The following EYA2 variants were observed in gnomAD, a reference collection of about 807,000 sequenced individuals.
The protein encoded by EYA2 is protein phosphatase EYA2.
A neutral mutation model predicts 69.2 loss-of-function variants in EYA2; 31 were observed. The ratio of observed to expected loss-of-function variants is 0.45; its 90% confidence interval spans 0.34 to 0.60. The LOEUF (loss-of-function observed/expected upper bound fraction) is 0.60. Ranked by LOEUF, EYA2 falls within the 20% of genes least tolerant of loss-of-function variation. The pLI, the probability that EYA2 is intolerant of heterozygous loss-of-function variation, is 0.02. For synonymous variants in EYA2, 257 were observed against 279.4 expected, an observed-to-expected ratio of 0.92 and a Z score of 0.80; for missense variants, 622 against 701.2, an observed-to-expected ratio of 0.89 and a Z score of 1.28.
chr20:47,048,878 T>A (rs987113260), intron 5 of EYA2, among the ~76,000 whole-genome samples: 1 of 151,980 alleles, frequency 6.6e-6, no homozygotes, highest in Non-Finnish European at 1.5e-5. Context: ...GTAACAGAGG[T>A]GAGAGTAAGA....
intron 9 of EYA2, among the ~76,000 whole-genome samples, chr20:47,102,045 C>G (rs1432723003): frequency 1.3e-5 from 2 of 152,126 alleles, no homozygotes; most frequent in East Asian, 1.9e-4. Context: ...ATTGAAAAAC[C>G]CAGGGATACC....
At position 47,082,147 on chromosome 20, in the gene EYA2, C is replaced by A. The variant is rs2031745487; in HGVS notation, c.662-7092C>A. On this transcript the variant is annotated intron_variant, in intron 7 of 15. Coordinates refer to ENST00000327619, the MANE Select transcript of EYA2 (RefSeq NM_005244.5). ...GAGCCACTGTGCCCAGCCAACCCTG[C>A]CAATTATTAAGTAACATGCAAATAT... is the stretch of plus-strand genomic sequence containing the variant. Among the ~76,000 whole-genome samples the A allele has an allele frequency of 2.0e-5, 3 of 151,840 alleles. No individual in the cohort carries two copies. In the South Asian group the frequency reaches 6.3e-4, roughly 32 times the overall value.
At chr20:47,123,643 T>C (rs1313796384) in intron 9 of EYA2, among the ~76,000 whole-genome samples, 3 of 152,208 alleles carry the variant, frequency 2.0e-5, no homozygotes, top group Admixed American at 6.5e-5. Context: ...TGTTATAGAT[T>C]AGAATTTCAT....
At chr20:46,923,399 G>T (rs901417288) in intron 1 of EYA2, among the ~76,000 whole-genome samples, 5 of 152,308 alleles carry the variant, frequency 3.3e-5, no homozygotes, top group East Asian at 3.9e-4. Flanking sequence ...TAGACCAAAG[G>T]AATCTGAAGG....
At chr20:47,104,113 C>G (rs2032507834) in intron 9 of EYA2, among the ~76,000 whole-genome samples, 1 of 152,086 alleles carries the variant, frequency 6.6e-6, no homozygotes, top group South Asian at 2.1e-4. Context: ...TTATTGTCTG[C>G]CTTTTTGGCT....
intron 15 of EYA2, among the ~76,000 whole-genome samples, chr20:47,184,228 G>C (rs2034591816): frequency 6.6e-6 from 1 of 152,158 alleles, no homozygotes; most frequent in African/African-American, 2.4e-5. Flanking sequence ...TTCTGAGAGA[G>C]AAGGGGAGAA....
chr20:46,907,966 A>G (rs1984445976), intron 1 of EYA2, among the ~76,000 whole-genome samples: 1 of 152,124 alleles, frequency 6.6e-6, no homozygotes, highest in African/African-American at 2.4e-5. Context: ...TACATTGGGG[A>G]AAATGTGTTT....
intron 4 of EYA2, among the ~76,000 whole-genome samples, chr20:47,012,037 A>G (rs1300665667): frequency 6.6e-6 from 1 of 152,158 alleles, no homozygotes; most frequent in Admixed American, 6.5e-5. Flanking sequence ...TCCTCCCACT[A>G]GCATATAAGC....
chr20:47,009,735 G>A (rs1982944661), intron 4 of EYA2, among the ~76,000 whole-genome samples: 1 of 152,212 alleles, frequency 6.6e-6, no homozygotes, highest in South Asian at 2.1e-4. Context: ...CATGAAAGCA[G>A]CCATAGACAA....
intron 14 of EYA2, among the ~76,000 whole-genome samples, chr20:47,183,056 C>G (rs2034568384): frequency 6.6e-6 from 1 of 152,204 alleles, no homozygotes; most frequent in Admixed American, 6.5e-5. Flanking sequence ...TGCGCTGCCT[C>G]CTCCTGCTGT....
intron 1 of EYA2, among the ~76,000 whole-genome samples, chr20:46,950,530 C>T (rs775839984): frequency 6.6e-6 from 1 of 152,130 alleles, no homozygotes; most frequent in African/African-American, 2.4e-5. Flanking sequence ...GGTGCTCCTC[C>T]ACCAAGGGGC....
intron 3 of EYA2, among the ~76,000 whole-genome samples, chr20:47,003,682 ATGTGGCCCC>A (rs1330992416): frequency 2.0e-5 from 3 of 152,230 alleles, no homozygotes; most frequent in African/African-American, 7.2e-5. Flanking sequence ...TGTGGATTGG[ATGTGGCCCC>A]TGGGCCACCA....
intron 9 of EYA2, among the ~76,000 whole-genome samples, chr20:47,138,360 G>A (rs1600736081): frequency 6.6e-6 from 1 of 152,180 alleles, no homozygotes; most frequent in Admixed American, 6.5e-5. Flanking sequence ...GAGTAGGTGG[G>A]TATTCTAAAG....
intron 7 of EYA2, among the ~76,000 whole-genome samples, chr20:47,078,301 GTGTGCACA>G (rs2031586511): frequency 1.3e-5 from 2 of 150,216 alleles, no homozygotes; most frequent in South Asian, 2.1e-4. Flanking sequence ...AAGCATATGT[GTGTGCACA>G]TGTGCACGTG....
intron 4 of EYA2, among the ~76,000 whole-genome samples, chr20:47,009,605 C>T (rs545251708): frequency 7.2e-5 from 11 of 152,132 alleles, no homozygotes; most frequent in Non-Finnish European, 1.6e-4. Context: ...TATCATTCCC[C>T]TGCATTTTTT....
chr20:47,063,373 TTGTG>T (rs1318266818), intron 5 of EYA2, among the ~76,000 whole-genome samples: 6 of 137,110 alleles, frequency 4.4e-5, no homozygotes, highest in African/African-American at 5.8e-5. Context: ...TTGGGTTTAT[TTGTG>T]TGTGTGTGCG....
chr20:47,072,135 G>GA (rs747982943), intron 5 of EYA2, 50 bp from the exon 6 acceptor site: 1 of 1,555,528 alleles, frequency 6.4e-7, no homozygotes, highest in South Asian at 1.1e-5. Context: ...GCTTTAAAGA[G>GA]AAAAAAAGAC....
At chr20:47,001,531 G>A in intron 3 of EYA2, 58 bp downstream of exon 3, 1 of 1,569,934 alleles carries the variant, frequency 6.4e-7, no homozygotes, top group Non-Finnish European at 8.8e-7. Flanking sequence ...TTTCTTGGAA[G>A]GTAGAGGTTA....
intron 1 of EYA2, among the ~76,000 whole-genome samples, chr20:46,910,853 G>A (rs1352251020): frequency 6.6e-6 from 1 of 152,178 alleles, no homozygotes; most frequent in East Asian, 1.9e-4. Flanking sequence ...TAGATTGCTG[G>A]CTCCCATCAA....
Sources: gnomAD v4.1 joint callset for allele counts (sites outside exome capture counted in the v4.1 genomes callset) on GRCh38, gnomAD v4.1.1 for gene constraint, MANE v1.5 for transcripts, NCBI Gene and HGNC (gene_info 2026-07-23, HGNC 2026-07-21) for gene names.